The following STK32B variants were observed in gnomAD, a reference collection of about 807,000 sequenced individuals.
STK32B encodes the protein serine/threonine kinase 32B.
In STK32B, 43 loss-of-function variants were observed where a neutral mutation model predicts 52.6. The observed-to-expected ratio is 0.82, with a 90% CI of 0.64 to 1.05. STK32B has a LOEUF of 1.05. Ranked by LOEUF, STK32B falls within the 50% of genes least tolerant of loss-of-function variation. STK32B has a pLI of 0.00. For synonymous variants in STK32B, 238 were observed against 204.3 expected, an observed-to-expected ratio of 1.17 and a Z score of -1.41; for missense variants, 621 against 534.6, an observed-to-expected ratio of 1.16 and a Z score of -1.59.
rs1479349557 is a variant in STK32B at position 5,395,717 on chromosome 4, G to A, written c.435-2490G>A. 6.6e-6 allele frequency among the ~76,000 whole-genome samples: 1 copy of A among 152,258 alleles called. No individual in the cohort carries two copies. Among genetic ancestry groups the A allele is most frequent in the African/African-American group, 2.4e-5 (1 of 41,470 alleles). The stretch of plus-strand genomic sequence containing the variant: ...CTAAGAGCCAACACAGAAGCAATGT[G>A]TGTTATGTATCAGGTATTTAATCCA... On this transcript the variant is annotated intron_variant, in intron 4 of 11. Coordinates refer to ENST00000282908, the MANE Select transcript of STK32B (RefSeq NM_018401.3). This position sits in a 1 kb window ranked among gnomAD's most constrained non-coding sequence, Gnocchi z 4.4.
intron 3 of STK32B, among the ~76,000 whole-genome samples, chr4:5,191,694 C>T (rs62290535): frequency 3.9e-5 from 6 of 152,164 alleles, no homozygotes; most frequent in African/African-American, 1.4e-4. Flanking sequence ...CCACCCGCAG[C>T]CTGCTTCGTC....
intron 3 of STK32B, among the ~76,000 whole-genome samples, chr4:5,301,442 G>A (rs930336606): frequency 1.3e-5 from 2 of 151,712 alleles, no homozygotes; most frequent in African/African-American, 4.8e-5. Context: ...ATTACTAATT[G>A]AATCTTTTCA....
At chr4:5,267,670 T>G (rs1314216492) in intron 3 of STK32B, among the ~76,000 whole-genome samples, 1 of 152,166 alleles carries the variant, frequency 6.6e-6, no homozygotes, top group Non-Finnish European at 1.5e-5. Context: ...TATGCAAGTC[T>G]CCTGATGTCT....
chr4:5,026,428 C>A, the STK32B span, among the ~76,000 whole-genome samples: 1 of 152,142 alleles, frequency 6.6e-6, no homozygotes, highest in Non-Finnish European at 1.5e-5. Flanking sequence ...ACAATCACGG[C>A]AGAAGGCATC....
chr4:5,223,993 A>C (rs2108799164), intron 3 of STK32B, among the ~76,000 whole-genome samples: 1 of 152,168 alleles, frequency 6.6e-6, no homozygotes, highest in Admixed American at 6.5e-5. Context: ...TAAGCACATA[A>C]CTTGTTTGAT....
intron 3 of STK32B, among the ~76,000 whole-genome samples, chr4:5,175,238 G>T (rs78008430): frequency 2.0e-5 from 3 of 151,546 alleles, no homozygotes; most frequent in African/African-American, 7.3e-5. Flanking sequence ...CTTCTTTGCC[G>T]TTGCTTCAAA....
chr4:5,202,697 A>C (rs1722250685), intron 3 of STK32B, among the ~76,000 whole-genome samples: 1 of 152,214 alleles, frequency 6.6e-6, no homozygotes, highest in South Asian at 2.1e-4. Context: ...CCACAGGCCC[A>C]ATGCCACATA....
chr4:5,126,761 C>T (rs141978618), intron 1 of STK32B, among the ~76,000 whole-genome samples: 14 of 152,220 alleles, frequency 9.2e-5, no homozygotes, highest in Admixed American at 2.6e-4. Flanking sequence ...CTGTAAAGGC[C>T]GCCTATCTCT....
chr4:5,486,790 G>C (rs1719256234), intron 11 of STK32B, among the ~76,000 whole-genome samples: 1 of 152,210 alleles, frequency 6.6e-6, no homozygotes, highest in Admixed American at 6.5e-5. Context: ...TTGCAATTCA[G>C]GGCATACATT....
At chr4:5,382,208 A>G (rs1045503057) in intron 4 of STK32B, among the ~76,000 whole-genome samples, 1 of 152,152 alleles carries the variant, frequency 6.6e-6, no homozygotes, top group African/African-American at 2.4e-5. Flanking sequence ...GTTTGCACAA[A>G]TATCTGGGTA....
At chr4:5,483,291 C>T (rs1159292788) in intron 11 of STK32B, among the ~76,000 whole-genome samples, 1 of 151,642 alleles carries the variant, frequency 6.6e-6, no homozygotes, top group Non-Finnish European at 1.5e-5. Flanking sequence ...TTCAGAGATT[C>T]AACTTCTTCC....
chr4:5,379,433 A>G (rs1283008266), intron 4 of STK32B, among the ~76,000 whole-genome samples: 1 of 151,424 alleles, frequency 6.6e-6, no homozygotes, highest in Non-Finnish European at 1.5e-5. Context: ...AGGCTCCCCC[A>G]CTCTGGTACC....
Position 5,316,755 on chromosome 4 carries a change from AT to A in STK32B, c.261-14464del, listed in dbSNP as rs1422381709. Among the ~76,000 whole-genome samples the A allele has an allele frequency of 1.1e-3, 26 of 24,232 alleles. 2 individuals carry two copies. The highest frequency in any genetic ancestry group is 1.5e-3 in the Non-Finnish European group (24 of 15,982). The allele number at this position is 24,232 out of a possible 152,430, so 15.9% of individuals were successfully genotyped here. On this transcript the variant is annotated intron_variant, in intron 3 of 11. Coordinates refer to ENST00000282908, the MANE Select transcript of STK32B (RefSeq NM_018401.3). ...TAATATCTTATATAATATATATTATATCATATATATTATATATATTATATAT... is the reference window on the plus strand; with the variant it reads ...TAATATCTTATATAATATATATTATACATATATATTATATATATTATATAT...
intron 4 of STK32B, among the ~76,000 whole-genome samples, chr4:5,351,099 A>G (rs1733794622): frequency 6.6e-6 from 1 of 151,972 alleles, no homozygotes; most frequent in Non-Finnish European, 1.5e-5. Flanking sequence ...ACAACCACGA[A>G]ACACACTGGT....
intron 4 of STK32B, among the ~76,000 whole-genome samples, chr4:5,374,240 G>A (rs1314592104): frequency 1.3e-5 from 2 of 152,126 alleles, no homozygotes; most frequent in Non-Finnish European, 2.9e-5. Flanking sequence ...ACTCAGTCAT[G>A]GTCATTTGTT....
chr4:5,466,667 C>T, intron 9 of STK32B, 36 bp from the exon 10 acceptor site: 3 of 1,592,994 alleles, frequency 1.9e-6, no homozygotes, highest in Non-Finnish European at 2.6e-6. Flanking sequence ...GGGTGGAACG[C>T]AGACAGACCA....
chr4:5,030,335 T>C, the STK32B span, among the ~76,000 whole-genome samples: 1 of 152,260 alleles, frequency 6.6e-6, no homozygotes, highest in African/African-American at 2.4e-5. Flanking sequence ...GATTTCCTGA[T>C]AGCAGGAGCT....
At chr4:5,464,823 T>C (rs1717309989) in intron 9 of STK32B, among the ~76,000 whole-genome samples, 2 of 152,180 alleles carry the variant, frequency 1.3e-5, no homozygotes, top group African/African-American at 4.8e-5. Flanking sequence ...AATGAATGAA[T>C]GAGTGGCAGG....
At position 5,433,733 on chromosome 4, in the gene STK32B, C is replaced by T. The variant is rs117939238; in HGVS notation, c.563-12940C>T. On this transcript the variant is annotated intron_variant, in intron 6 of 11. Transcript: ENST00000282908. ...AGATGTTGAATAGCATTTCACACTC[C>T]ACTGCAAATATCAAAACCTTCAGCA... Among the ~76,000 whole-genome samples, 88 of 152,294 alleles carry T rather than the reference C, an allele frequency of 5.8e-4. No individual in the cohort carries two copies. In the East Asian group the frequency reaches 0.011, roughly 20 times the overall value.
Sources: gnomAD v4.1 joint callset for allele counts (sites outside exome capture counted in the v4.1 genomes callset) on GRCh38, gnomAD v4.1.1 for gene constraint, Gnocchi (gnomAD v3.1) non-coding constraint, MANE v1.5 for transcripts, NCBI Gene and HGNC (gene_info 2026-07-23, HGNC 2026-07-21) for gene names.